DNM1L: variants seen among roughly 807,000 people sequenced by gnomAD.
DNM1L encodes the protein dynamin 1L.
A neutral mutation model predicts 92.8 loss-of-function variants in DNM1L; 33 were observed. The observed-to-expected ratio is 0.36, with a 90% CI of 0.27 to 0.48. DNM1L has a LOEUF of 0.48. DNM1L is among the 20% of genes least tolerant of loss of function. DNM1L has a pLI of 0.99. For synonymous variants in DNM1L, 284 were observed against 305.0 expected, an observed-to-expected ratio of 0.93 and a Z score of 0.72; for missense variants, 485 against 888.8, an observed-to-expected ratio of 0.55 and a Z score of 5.78.
At chr12:32,738,075 A>T in intron 15 of DNM1L, 133 bp downstream of exon 15, 1 of 1,097,742 alleles carries the variant, frequency 9.1e-7, no homozygotes, top group Non-Finnish European at 1.3e-6. Flanking sequence ...TTAGTCTAAT[A>T]TATATTTTAA....
At chr12:32,681,048 G>A (rs1385438982) in intron 1 of DNM1L, among the ~76,000 whole-genome samples, 2 of 152,266 alleles carry the variant, frequency 1.3e-5, no homozygotes, top group East Asian at 3.9e-4. Context: ...ACACAAAATA[G>A]AGTTTATTTT....
At chr12:32,732,053 T>G (rs971739324) in intron 12 of DNM1L, 110 bp downstream of exon 12, 23 of 786,734 alleles carry the variant, frequency 2.9e-5, no homozygotes, top group Non-Finnish European at 4.5e-5. Context: ...GTAGGCATAA[T>G]GTTTTCCAGT....
chr12:32,726,552 G>T lies in DNM1L; in HGVS notation c.1079+3919G>T. On this transcript the variant is annotated intron_variant, in intron 9 of 19. Coordinates refer to ENST00000549701, the MANE Select transcript of DNM1L (RefSeq NM_012062.5). ...AAACTATAACACTGATCTTGGGATT[G>T]TATGCTCACGTAAAAAGTGACCAAT... 27 of 1,173,974 alleles carry T rather than the reference G, an allele frequency of 2.3e-5. 1 individual carries two copies. Among genetic ancestry groups the T allele is most frequent in the Non-Finnish European group, 3.4e-5 (27 of 788,338 alleles). 72.7% of individuals were successfully genotyped at this position (1,173,974 alleles called of 1,614,324 possible).
chr12:32,732,132 A>G (rs1052748401), intron 12 of DNM1L, among the ~76,000 whole-genome samples, 189 bp downstream of exon 12: 2 of 152,122 alleles, frequency 1.3e-5, no homozygotes, highest in Admixed American at 1.3e-4. Flanking sequence ...ATTCTGGTAT[A>G]AAGTGCATTT....
chr12:32,718,600 T>C lies in DNM1L; in HGVS notation c.620-43T>C, dbSNP rs1391691356. On this transcript the variant is annotated intron_variant, in intron 6 of 19. Transcript: ENST00000549701. Reference sequence around the variant, plus strand: ...TAAATAGTTGTATTTAATGGATCATTTTCTTTCTTTTCTTTGCCCTTTTTT... The same window carrying C: ...TAAATAGTTGTATTTAATGGATCATCTTCTTTCTTTTCTTTGCCCTTTTTT... The C allele has an allele frequency of 1.9e-6, 3 of 1,612,068 alleles. No homozygotes were observed. In the African/African-American group the frequency reaches 4.0e-5, roughly 22 times the overall value.
At chr12:32,743,323 A>G in intron 19 of DNM1L, 31 bp from the exon 20 acceptor site, 1 of 1,598,636 alleles carries the variant, frequency 6.3e-7, no homozygotes, top group South Asian at 1.1e-5. Flanking sequence ...CTTTATAATA[A>G]GCATTTAAAA....
Position 32,731,983 on chromosome 12 carries a change from T to A in DNM1L, c.1446+40T>A, listed in dbSNP as rs1230920036. On this transcript the variant is annotated intron_variant, in intron 12 of 19. Coordinates refer to ENST00000549701, the MANE Select transcript of DNM1L (RefSeq NM_012062.5). This position sits in a 1 kb window ranked among gnomAD's most constrained non-coding sequence, Gnocchi z 5.1. ...CATAGATCATTGTAATTACTATTAG[T>A]AAAAGTTTAAATTTTTGCTTGGCTG... The A allele has an allele frequency of 6.7e-7, 1 of 1,496,998 alleles. No individual in the cohort carries two copies. The highest frequency in any genetic ancestry group is 1.1e-5 in the South Asian group (1 of 88,246). 92.7% of individuals were successfully genotyped at this position (1,496,998 alleles called of 1,614,324 possible).
In DNM1L at chr12:32,743,552, G is replaced by GTAT; in HGVS notation, c.*144_*146dup. The GTAT allele has an allele frequency of 2.6e-6, 2 of 769,780 alleles. No homozygotes were observed. Among genetic ancestry groups the GTAT allele is most frequent in the Non-Finnish European group, 4.3e-6 (2 of 464,798 alleles). 47.7% of individuals were successfully genotyped at this position (769,780 alleles called of 1,614,324 possible). A position where few individuals can be genotyped will look rare whatever the true frequency, so the allele number is the denominator to read the frequency against. On this transcript the variant is annotated 3_prime_UTR_variant, in exon 20 of 20. Coordinates refer to ENST00000549701, the MANE Select transcript of DNM1L (RefSeq NM_012062.5). ...GGAGACTGGCTATAAACTGAAAAGT[G>GTAT]TATTCCAAATTGCAGAACACATCAC...
At chr12:32,705,000 GTT>G (rs35375744) in intron 2 of DNM1L, among the ~76,000 whole-genome samples, 30 of 118,874 alleles carry the variant, frequency 2.5e-4, no homozygotes, top group East Asian at 4.9e-4. Context: ...CTCAGGCAAA[GTT>G]TTTTTTTTTT....
At chr12:32,692,963 T>G (rs980183184) in intron 1 of DNM1L, 1 of 152,232 alleles carries the variant, frequency 6.6e-6, no homozygotes, top group East Asian at 1.9e-4. Context: ...TTGAAATTTG[T>G]GTGTTCCCCA....
chr12:32,729,573 C>T (rs1265798562), intron 9 of DNM1L, among the ~76,000 whole-genome samples: 1 of 152,176 alleles, frequency 6.6e-6, no homozygotes. Flanking sequence ...CCTCAGCCTC[C>T]TGAGTAGCTG....
intron 4 of DNM1L, chr12:32,709,733 G>A (rs1431295228): frequency 6.6e-6 from 1 of 152,222 alleles, no homozygotes; most frequent in Non-Finnish European, 1.5e-5. Flanking sequence ...GAGTTGCAAA[G>A]GTACTGGGCA....
At chr12:32,703,614 C>CAAA (rs61051514) in intron 2 of DNM1L, among the ~76,000 whole-genome samples, 1,375 of 86,846 alleles carry the variant, frequency 0.016, 18 homozygotes, top group African/African-American at 0.048. Flanking sequence ...CATAAACTTT[C>CAAA]AAAAAAAAAA....
intron 6 of DNM1L, among the ~76,000 whole-genome samples, chr12:32,718,013 GTA>G (rs1193902542): frequency 1.8e-4 from 20 of 112,956 alleles, no homozygotes; most frequent in Admixed American, 5.4e-4. Flanking sequence ...AATATATATA[GTA>G]TATATATTAT....
At chr12:32,732,521 T>C in intron 12 of DNM1L, 1 of 456,066 alleles carries the variant, frequency 2.2e-6, no homozygotes, top group South Asian at 1.5e-5. Flanking sequence ...TTTTGTTTTC[T>C]TTCTGATCAC....
At chr12:32,701,708 G>GT (rs1271625757) in intron 2 of DNM1L, 146 bp downstream of exon 2, 3 of 766,180 alleles carry the variant, frequency 3.9e-6, no homozygotes, top group Non-Finnish European at 6.3e-6. Flanking sequence ...CTTTCTTAAT[G>GT]TAAAAAAAAG....
chr12:32,740,010 TTAGTTAAGGTCAGA>T lies in DNM1L; in HGVS notation c.1708-51_1708-38del, dbSNP rs532256242. The T allele has an allele frequency of 3.0e-3, 4,855 of 1,610,814 alleles. 46 individuals are homozygous for T. Among genetic ancestry groups the T allele is most frequent in the South Asian group, 0.018 (1,634 of 90,750 alleles). ...ACTGTCAAATAAAATGAACTTTGTT[TTAGTTAAGGTCAGA>T]TATGATGTGGTTGGTATGTTTTGGA... On this transcript the variant is annotated intron_variant, in intron 16 of 19. Transcript: ENST00000549701.
chr12:32,701,166 C>T (rs1191149579), intron 1 of DNM1L, among the ~76,000 whole-genome samples: 1 of 151,818 alleles, frequency 6.6e-6, no homozygotes, highest in Non-Finnish European at 1.5e-5. Flanking sequence ...ATCCCAGCTA[C>T]TTGGGAGGTT....
At chr12:32,730,613 G>C (rs1375145510) in intron 9 of DNM1L, among the ~76,000 whole-genome samples, 1 of 147,860 alleles carries the variant, frequency 6.8e-6, no homozygotes, top group Admixed American at 6.7e-5. Context: ...GGCCTGAAAA[G>C]CCTAAAATAC....
Sources: gnomAD v4.1 joint callset for allele counts (sites outside exome capture counted in the v4.1 genomes callset) on GRCh38, gnomAD v4.1.1 for gene constraint, Gnocchi (gnomAD v3.1) non-coding constraint, MANE v1.5 for transcripts, NCBI Gene and HGNC (gene_info 2026-07-23, HGNC 2026-07-21) for gene names.